CDK14: variants seen among roughly 807,000 people sequenced by gnomAD.
CDK14 encodes cyclin-dependent kinase 14.
In CDK14, 34 loss-of-function variants were observed where a neutral mutation model predicts 60.7. The observed-to-expected ratio is 0.56, with a 90% confidence interval of 0.43 to 0.75. CDK14 has a LOEUF of 0.75. CDK14 is among the 30% of genes least tolerant of loss of function. The probability of loss-of-function intolerance (pLI) is 0.00; values close to 1 mark genes in which losing one functional copy is unlikely to be tolerated. For missense variants in CDK14, 482 were observed against 564.1 expected, an observed-to-expected ratio of 0.85 and a Z score of 1.47; for synonymous variants, 197 against 203.7, an observed-to-expected ratio of 0.97 and a Z score of 0.28.
rs182320474 is a variant in CDK14 at position 91,196,941 on chromosome 7, T to C, written c.*29-10224T>C. Among the ~76,000 whole-genome samples, 838 of 152,334 alleles carry C rather than the reference T, an allele frequency of 5.5e-3. 15 individuals are homozygous for C. The highest frequency in any genetic ancestry group is 0.018 in the African/African-American group (764 of 41,580). ...TCACACTTTCAGATAGGAGTGTCAC[T>C]ATACTTTTCATTTTAGTTCGTGTAA... is the stretch of plus-strand genomic sequence containing the variant. On this transcript the variant is annotated intron_variant, in intron 14 of 14. Coordinates refer to ENST00000380050, the MANE Select transcript of CDK14 (RefSeq NM_001287135.2).
intron 14 of CDK14, among the ~76,000 whole-genome samples, chr7:91,170,894 G>A (rs1253615946): frequency 6.7e-6 from 1 of 149,568 alleles, no homozygotes; most frequent in Non-Finnish European, 1.5e-5. Context: ...AGCCTCCTAA[G>A]TAGCTGGGAC....
chr7:91,131,154 G>A (rs539039290), intron 14 of CDK14, among the ~76,000 whole-genome samples: 12 of 151,876 alleles, frequency 7.9e-5, no homozygotes, highest in Non-Finnish European at 1.8e-4. Flanking sequence ...TTTTAGAAGA[G>A]TTGTAAAGCC....
intron 7 of CDK14, among the ~76,000 whole-genome samples, chr7:90,904,604 A>G (rs1584108014): frequency 6.6e-6 from 1 of 152,148 alleles, no homozygotes; most frequent in Admixed American, 6.6e-5. Context: ...GTATCAAAAA[A>G]TCAGAGGTCT....
At chr7:91,144,461 ATTTC>A (rs1354706912) in intron 14 of CDK14, among the ~76,000 whole-genome samples, 1 of 152,182 alleles carries the variant, frequency 6.6e-6, no homozygotes, top group Non-Finnish European at 1.5e-5. Context: ...TTTCACAAAT[ATTTC>A]TTTCAGGATC....
At chr7:90,710,670 G>T in intron 2 of CDK14, 3 of 443,912 alleles carry the variant, frequency 6.8e-6, no homozygotes, top group Non-Finnish European at 9.0e-6. Flanking sequence ...TCTAATAGTA[G>T]ACTATTAGCA....
chr7:90,596,704 G>C lies in CDK14; in HGVS notation c.77G>C (p.Ser26Thr). 6.2e-7 allele frequency: 1 copy of C among 1,611,908 alleles called. No individual in the cohort carries two copies. The highest frequency in any genetic ancestry group is 8.5e-7 in the Non-Finnish European group (1 of 1,179,240). ...AAGTTGCGGAGAACTTTGTCGGAGA[G>C]TTTCAGTCGCATTGGTGAGTAGCGC... is the stretch of plus-strand genomic sequence containing the variant. Reference protein sequence around the residue: ...MKKLRRTLSESFSRIALKKDD... With the variant: ...MKKLRRTLSETFSRIALKKDD... Residue 26 changes from serine (S) to threonine (T), a missense_variant, in exon 1 of 15, where the codon AGT (serine) becomes ACT (threonine). Ser to Thr is a moderately conservative substitution (Grantham distance 58, BLOSUM62 1). Transcript: ENST00000380050.
chr7:90,635,179 T>G (rs1800109435), intron 2 of CDK14, among the ~76,000 whole-genome samples: 1 of 152,238 alleles, frequency 6.6e-6, no homozygotes, highest in Admixed American at 6.5e-5. Context: ...TGCCATTGCT[T>G]TTGGTGTTTT....
chr7:91,153,330 G>A (rs1232361165), intron 14 of CDK14, among the ~76,000 whole-genome samples: 1 of 152,138 alleles, frequency 6.6e-6, no homozygotes, highest in African/African-American at 2.4e-5. Flanking sequence ...CGACAGTGTG[G>A]TGATTCCTCA....
At chr7:91,100,633 C>CA (rs1799125083) in intron 12 of CDK14, among the ~76,000 whole-genome samples, 1 of 152,108 alleles carries the variant, frequency 6.6e-6, no homozygotes, top group African/African-American at 2.4e-5. Flanking sequence ...CATAAGTTAA[C>CA]AGATTTTTAA....
intron 6 of CDK14, among the ~76,000 whole-genome samples, chr7:90,885,881 G>A (rs1280715386): frequency 6.6e-6 from 1 of 152,112 alleles, no homozygotes; most frequent in African/African-American, 2.4e-5. Context: ...TGGACACAGA[G>A]AAGAACAAAA....
At chr7:91,054,971 C>A (rs181923507) in intron 11 of CDK14, among the ~76,000 whole-genome samples, 24 of 152,236 alleles carry the variant, frequency 1.6e-4, no homozygotes, top group Admixed American at 1.2e-3. Context: ...GAAAGACCTA[C>A]AGGCTACAAA....
intron 5 of CDK14, among the ~76,000 whole-genome samples, chr7:90,832,494 T>G (rs956750943): frequency 1.1e-4 from 17 of 152,134 alleles, no homozygotes; most frequent in African/African-American, 3.9e-4. Flanking sequence ...ACAATTTAGT[T>G]TTTTTTTAAG....
intron 10 of CDK14, among the ~76,000 whole-genome samples, chr7:91,030,264 G>C (rs1032728214): frequency 6.6e-6 from 1 of 152,136 alleles, no homozygotes; most frequent in African/African-American, 2.4e-5. Context: ...AAACTTACCA[G>C]AGGTTTAGTT....
intron 5 of CDK14, among the ~76,000 whole-genome samples, chr7:90,793,718 CT>C (rs1232141945): frequency 0.013 from 11 of 876 alleles, no homozygotes; most frequent in African/African-American, 0.07. Context: ...ACGTGAGAAA[CT>C]CTTAATACAG....
At chr7:91,156,235 C>T (rs557040882) in intron 14 of CDK14, among the ~76,000 whole-genome samples, 1 of 152,222 alleles carries the variant, frequency 6.6e-6, no homozygotes, top group East Asian at 1.9e-4. Flanking sequence ...TATAATTTCC[C>T]TATAGACCTG....
chr7:91,065,321 C>G (rs1797944117), intron 11 of CDK14, among the ~76,000 whole-genome samples: 1 of 152,024 alleles, frequency 6.6e-6, no homozygotes, highest in Admixed American at 6.6e-5. Flanking sequence ...AATGCTGGGG[C>G]TGTGTCAAAT....
chr7:90,885,590 A>G (rs1407820217), intron 6 of CDK14, among the ~76,000 whole-genome samples: 2 of 152,208 alleles, frequency 1.3e-5, no homozygotes, highest in Non-Finnish European at 2.9e-5. Flanking sequence ...ATTATAAATC[A>G]TTCTACTATG....
chr7:90,799,385 G>T (rs1477624572), intron 5 of CDK14, among the ~76,000 whole-genome samples: 4 of 152,068 alleles, frequency 2.6e-5, no homozygotes, highest in African/African-American at 9.7e-5. Flanking sequence ...CTAGCATGTG[G>T]TAGAGCTAAA....
At chr7:90,837,495 G>A (rs1790147066) in intron 5 of CDK14, among the ~76,000 whole-genome samples, 1 of 151,984 alleles carries the variant, frequency 6.6e-6, no homozygotes, top group Admixed American at 6.6e-5. Flanking sequence ...CTAGACAGCA[G>A]AATGATAAGC....
Sources: gnomAD v4.1 joint callset for allele counts (sites outside exome capture counted in the v4.1 genomes callset) on GRCh38, gnomAD v4.1.1 for gene constraint, MANE v1.5 for transcripts, NCBI Gene and HGNC (gene_info 2026-07-23, HGNC 2026-07-21) for gene names.